The following POLE variants were observed in gnomAD, a reference collection of about 807,000 sequenced individuals.
POLE encodes the protein DNA polymerase epsilon, catalytic subunit, also known as DNA polymerase epsilon catalytic subunit A.
In POLE, 188 loss-of-function variants were observed where a neutral mutation model predicts 279.2. The ratio of observed to expected loss-of-function variants is 0.67; its 90% confidence interval spans 0.60 to 0.76. The LOEUF (loss-of-function observed/expected upper bound fraction) is 0.76. POLE is among the 30% of genes least tolerant of loss of function. The pLI is 0.00. For missense variants in POLE, 2,703 were observed against 3,016.7 expected (o/e 0.90, Z 2.44); for synonymous variants, 1,214 against 1,172.5 (o/e 1.04, Z -0.72).
rs140280587 is a variant in POLE at position 132,661,293 on chromosome 12, G to C, written c.2865-129C>G. ...ACCTGTCATCCACGAGGCAGCAAACGTCTCTCTCCCTTAGGCCACTGCTTC... is the reference window on the plus strand; with the variant it reads ...ACCTGTCATCCACGAGGCAGCAAACCTCTCTCTCCCTTAGGCCACTGCTTC... On this transcript the variant is annotated intron_variant, in intron 24 of 48. Coordinates refer to ENST00000320574, the MANE Select transcript of POLE (RefSeq NM_006231.4). This position sits in a 1 kb window ranked among gnomAD's most constrained non-coding sequence, Gnocchi z 4.1. The C allele has an allele frequency of 2.2e-5, 22 of 1,003,680 alleles. No homozygotes were observed. Among genetic ancestry groups the C allele is most frequent in the Non-Finnish European group, 2.8e-5 (19 of 683,182 alleles). 62.2% of individuals were successfully genotyped at this position (1,003,680 alleles called of 1,614,324 possible).
At chr12:132,672,480 C>CG (rs1332837891) in intron 15 of POLE, 147 bp downstream of exon 15, 3 of 1,058,812 alleles carry the variant, frequency 2.8e-6, no homozygotes, top group Non-Finnish European at 1.4e-6. Flanking sequence ...AAGAAGCCCC[C>CG]GGGGGGTGCT....
At chr12:132,677,837 G>A in intron 6 of POLE, 118 bp from the exon 7 acceptor site, 1 of 963,838 alleles carries the variant, frequency 1.0e-6, no homozygotes, top group South Asian at 1.6e-5. Flanking sequence ...AACACAAAAG[G>A]TAAATTGATG....
intron 20 of POLE, 123 bp downstream of exon 20, chr12:132,667,380 G>A (rs1246288146): frequency 9.0e-6 from 9 of 997,934 alleles, no homozygotes; most frequent in African/African-American, 3.2e-5. Flanking sequence ...ACAATTGCAC[G>A]TTACCATCCG....
intron 29 of POLE, among the ~76,000 whole-genome samples, chr12:132,653,554 T>C (rs1444986972): frequency 6.6e-6 from 1 of 152,240 alleles, no homozygotes; most frequent in Non-Finnish European, 1.5e-5. Flanking sequence ...TAATTGTTGC[T>C]GAAATACATA....
chr12:132,672,512 G>C, intron 15 of POLE, 115 bp downstream of exon 15: 1 of 1,211,322 alleles, frequency 8.3e-7, no homozygotes, highest in Non-Finnish European at 1.2e-6. Flanking sequence ...GCCACACCCG[G>C]TGAGGGGCCG....
At position 132,676,262 on chromosome 12, in the gene POLE, G is replaced by C. The variant is rs913279286; in HGVS notation, c.910-58C>G. 5 of 1,141,024 alleles carry C rather than the reference G, an allele frequency of 4.4e-6. No individual in the cohort carries two copies. In the African/African-American group the frequency reaches 7.7e-5, roughly 17 times the overall value. 70.7% of individuals were successfully genotyped at this position (1,141,024 alleles called of 1,614,324 possible). A position where few individuals can be genotyped will look rare whatever the true frequency, so the allele number is the denominator to read the frequency against. On this transcript the variant is annotated intron_variant, in intron 9 of 48. Coordinates refer to ENST00000320574, the MANE Select transcript of POLE (RefSeq NM_006231.4). ...AGAGGCTGCAAAGCCAAGAAATGGC[G>C]TTCCCACCCTGCCCACACACTCTGC...
At chr12:132,637,284 G>A (rs1196568181) in intron 41 of POLE, among the ~76,000 whole-genome samples, 2 of 152,112 alleles carry the variant, frequency 1.3e-5, no homozygotes. Flanking sequence ...TTTCTGCAGC[G>A]CCCCCAGATG....
intron 44 of POLE, 56 bp from the exon 45 acceptor site, chr12:132,632,564 C>T: frequency 6.2e-7 from 1 of 1,606,446 alleles, no homozygotes; most frequent in South Asian, 1.1e-5. Context: ...CACTGGGGAC[C>T]TCCCACCTGG....
At chr12:132,638,640 G>A (rs1031771605) in intron 40 of POLE, 1 of 169,772 alleles carries the variant, frequency 5.9e-6, no homozygotes, top group Non-Finnish European at 1.3e-5. Flanking sequence ...ATCAAATCAG[G>A]ATTCATCCCG....
Position 132,643,857 on chromosome 12 carries a change from C to T in POLE, c.4270G>A (p.Glu1424Lys), listed in dbSNP as rs575419120. Residue 1424 changes from glutamate (E) to lysine (K), a missense_variant, in exon 33 of 49, where the codon GAG (glutamate) becomes AAG (lysine). By Grantham distance (56) the Glu-to-Lys change is moderately conservative. This residue lies in a region of POLE where 1,551 missense variants were observed against 1,686.1 expected (regional missense o/e 0.92). Transcript: ENST00000320574. ...GTCACCTGAGTCTCATATACGCCCT[C>T]GATGTCTGGCGCTGACAGCTCAGCG... Reference protein sequence around the residue: ...INAELSAPDIEGVYETQVPLL... With the variant: ...INAELSAPDIKGVYETQVPLL... 45 of 1,614,124 alleles carry T rather than the reference C, an allele frequency of 2.8e-5. No individual in the cohort carries two copies. The highest frequency in any genetic ancestry group is 1.7e-4 in the Middle Eastern group (1 of 6,058).
chr12:132,629,440 G>A lies in POLE; in HGVS notation c.6330+2875C>T, dbSNP rs976136815. The stretch of plus-strand genomic sequence containing the variant: ...ATATGTTGTCAGTGTAGCCACCTTC[G>A]CCAATGATCCCAGACAGATCTTCTG... On this transcript the variant is annotated intron_variant, in intron 45 of 48. Coordinates refer to ENST00000320574, the MANE Select transcript of POLE (RefSeq NM_006231.4). Among the ~76,000 whole-genome samples the A allele has an allele frequency of 3.9e-5, 6 of 152,196 alleles. No homozygotes were observed. In the South Asian group the frequency reaches 6.2e-4, roughly 16 times the overall value.
At chr12:132,679,282 C>T (rs1278956680) in intron 6 of POLE, among the ~76,000 whole-genome samples, 1 of 152,158 alleles carries the variant, frequency 6.6e-6, no homozygotes, top group African/African-American at 2.4e-5. Flanking sequence ...ATAAACCCAC[C>T]CCTCCATTGG....
At chr12:132,680,382 G>A (rs1275250280) in intron 3 of POLE, 160 bp from the exon 4 acceptor site, 6 of 693,806 alleles carry the variant, frequency 8.6e-6, no homozygotes, top group Middle Eastern at 3.5e-4. Flanking sequence ...CTTTTCACAG[G>A]GGCAAGAATC....
In POLE at chr12:132,657,362, G is replaced by T. The variant is rs778212434; in HGVS notation, c.3446C>A (p.Ala1149Glu). The T allele has an allele frequency of 1.2e-6, 2 of 1,613,902 alleles. No individual in the cohort carries two copies. Among genetic ancestry groups the T allele is most frequent in the Non-Finnish European group, 1.7e-6 (2 of 1,179,982 alleles). ...CCCCGCCCTTACCTGCTGCAGGGCCGCAGGGATGGTGATGATCTTCTGGAT... is the reference window on the plus strand; with the variant it reads ...CCCCGCCCTTACCTGCTGCAGGGCCTCAGGGATGGTGATGATCTTCTGGAT... ...SAIQKIITIPAALQQVKNPVP... is the reference protein window; with the variant it reads ...SAIQKIITIPEALQQVKNPVP... Residue 1149 changes from alanine (A) to glutamate (E), a missense_variant, in exon 28 of 49, where the codon GCG becomes GAG. Around this residue, in one of 5 missense-constraint regions of POLE, gnomAD observed 1,551 missense variants for 1,686.1 expected, o/e 0.92. Transcript: ENST00000320574.
At chr12:132,652,314 CTTTTTTTTTTTTT>C (rs11449205) in intron 29 of POLE, among the ~76,000 whole-genome samples, 10 of 111,172 alleles carry the variant, frequency 9.0e-5, no homozygotes, top group Admixed American at 8.6e-4. Flanking sequence ...TTGTAGTTTC[CTTTTTTTTTTTTT>C]TTTTTTTTTT....
chr12:132,643,512 CCA>C lies in POLE; in HGVS notation c.4337_4338del (p.Val1446GlyfsTer3), dbSNP rs758487568. On this transcript the variant is annotated frameshift_variant, in exon 34 of 49. Transcript: ENST00000320574. LOFTEE classifies it high-confidence loss of function. ...RALVHLGCVC[V>X]VNKQLVRHLS... ...AGGTGCCTCACCAGCTGTTTATTGACCACACACACACAGCCCAGGTGCACCAG... is the reference window on the plus strand; with the variant it reads ...AGGTGCCTCACCAGCTGTTTATTGACCACACACACAGCCCAGGTGCACCAG... The C allele has an allele frequency of 2.5e-6, 4 of 1,613,512 alleles. No individual in the cohort carries two copies. Among genetic ancestry groups the C allele is most frequent in the Non-Finnish European group, 3.4e-6 (4 of 1,179,506 alleles).
Position 132,675,372 on chromosome 12 carries a change from G to A in POLE, c.1226+26C>T. 1.9e-6 allele frequency: 3 copies of A among 1,611,544 alleles called. No homozygotes were observed. The highest frequency in any genetic ancestry group is 1.7e-6 in the Non-Finnish European group (2 of 1,178,814). On this transcript the variant is annotated intron_variant, in intron 12 of 48. Transcript: ENST00000320574. This position sits in a 1 kb window ranked among gnomAD's most constrained non-coding sequence, Gnocchi z 4.3. ...GATCTCGCTCACGGACAGCAGTGAG[G>A]AGCCATGCTGCTCTGTGGCCCCTAC...
chr12:132,682,025 A>T (rs2043177694), intron 1 of POLE, among the ~76,000 whole-genome samples: 1 of 152,100 alleles, frequency 6.6e-6, no homozygotes, highest in South Asian at 2.1e-4. Flanking sequence ...TCTCTACTAA[A>T]AATACAAAAA....
In POLE at chr12:132,639,856, A is replaced by G. The variant is rs1303880762; in HGVS notation, c.5379-558T>C. On this transcript the variant is annotated intron_variant, in intron 39 of 48. Coordinates refer to ENST00000320574, the MANE Select transcript of POLE (RefSeq NM_006231.4). The surrounding 1 kb of genome is among the most constrained non-coding windows in gnomAD (Gnocchi z 4.7). ...CTGCTACTCGGGAGGCTAAGGCAGG[A>G]GAATCGCTTGAACCCGGGAGGTGGA... 6.6e-6 allele frequency among the ~76,000 whole-genome samples: 1 copy of G among 152,224 alleles called. No homozygotes were observed. Among genetic ancestry groups the G allele is most frequent in the African/African-American group, 2.4e-5 (1 of 41,452 alleles).
Sources: allele counts gnomAD v4.1 joint callset (sites outside exome capture counted in the v4.1 genomes callset), GRCh38; gene constraint gnomAD v4.1.1; regional missense constraint gnomAD v4.1.1; non-coding constraint Gnocchi (gnomAD v3.1); transcripts MANE v1.5; gene names NCBI Gene and HGNC (gene_info 2026-07-23, HGNC 2026-07-21).